TMEM165: variants seen among roughly 807,000 people sequenced by gnomAD.
TMEM165 encodes putative divalent cation/proton antiporter TMEM165.
A neutral mutation model predicts 30.0 loss-of-function variants in TMEM165; 19 were observed. That is an observed-to-expected ratio of 0.63 (90% confidence interval 0.44 to 0.93). The LOEUF (loss-of-function observed/expected upper bound fraction) is 0.93. Ranked by LOEUF, TMEM165 falls within the 40% of genes least tolerant of loss-of-function variation. The pLI is 0.00. For synonymous variants in TMEM165, 168 were observed against 162.9 expected (o/e 1.03, Z -0.24); for missense variants, 340 against 417.0 (o/e 0.82, Z 1.61).
At chr4:55,443,848 G>A (rs542941158) in intron 3 of TMEM165, 1 of 1,613,582 alleles carries the variant, frequency 6.2e-7, no homozygotes, top group South Asian at 1.1e-5. Flanking sequence ...CCAGAAGAAA[G>A]TTGAACGGAA....
intron 4 of TMEM165, chr4:55,423,788 G>A (rs1441699953): frequency 1.3e-5 from 2 of 152,288 alleles, no homozygotes; most frequent in African/African-American, 4.8e-5. Context: ...AGTGTCTGAG[G>A]ACACAGTTTA....
chr4:55,416,568 A>C (rs1237450894), intron 2 of TMEM165, among the ~76,000 whole-genome samples: 1 of 152,224 alleles, frequency 6.6e-6, no homozygotes, highest in Non-Finnish European at 1.5e-5. Flanking sequence ...AAATAGTTAC[A>C]AGGGAGCAGA....
At chr4:55,436,249 G>A (rs369567693) in intron 3 of TMEM165, among the ~76,000 whole-genome samples, 1 of 152,136 alleles carries the variant, frequency 6.6e-6, no homozygotes, top group African/African-American at 2.4e-5. Flanking sequence ...CCTTAGGTCC[G>A]ATAAGCAGCA....
intron 1 of TMEM165, among the ~76,000 whole-genome samples, chr4:55,398,454 G>C (rs1720820192): frequency 6.6e-6 from 1 of 152,204 alleles, no homozygotes; most frequent in East Asian, 1.9e-4. Context: ...CTGGACTTCT[G>C]TGCCTTACTA....
At chr4:55,421,738 C>A (rs1408246173) in intron 4 of TMEM165, among the ~76,000 whole-genome samples, 1 of 152,204 alleles carries the variant, frequency 6.6e-6, no homozygotes, top group Non-Finnish European at 1.5e-5. Flanking sequence ...CGGGCTTTCC[C>A]TTCTCCTTCA....
At chr4:55,433,649 A>G (rs2109610819) in intron 3 of TMEM165, 1 of 152,218 alleles carries the variant, frequency 6.6e-6, no homozygotes, top group South Asian at 2.1e-4. Context: ...CAGTAATAAC[A>G]TTTTTTATAT....
chr4:55,426,632 A>G (rs988421032), downstream of TMEM165, among the ~76,000 whole-genome samples: 2 of 152,212 alleles, frequency 1.3e-5, no homozygotes, highest in South Asian at 2.1e-4. Context: ...AATTCTACAG[A>G]AACATCCATG....
Position 55,396,402 on chromosome 4 carries a change from C to T in TMEM165, c.207+6C>T. ...CCGAGCCGGCCCGGGTCGAGGTGAG[C>T]GGGCCGGGATGGGGCGAGCGAGGCT... On this transcript the variant is annotated splice_donor_region_variant and intron_variant, in intron 1 of 5. Transcript: ENST00000381334. 2 of 1,472,796 alleles carry T rather than the reference C, an allele frequency of 1.4e-6. No homozygotes were observed. The highest frequency in any genetic ancestry group is 1.8e-6 in the Non-Finnish European group (2 of 1,118,074). The allele number at this position is 1,472,796 out of a possible 1,614,324, so 91.2% of individuals were successfully genotyped here.
Position 55,411,731 on chromosome 4 carries a change from T to C in TMEM165, c.325T>C (p.Leu109=). 1 of 1,614,176 alleles carries C rather than the reference T, an allele frequency of 6.2e-7. No homozygotes were observed. Among genetic ancestry groups the C allele is most frequent in the South Asian group, 1.1e-5 (1 of 91,082 alleles). The change falls in exon 2 of 6, where the codon TTG becomes CTG. Residue 109 remains leucine, a synonymous_variant. Coordinates refer to ENST00000381334, the MANE Select transcript of TMEM165 (RefSeq NM_018475.5). ...CATATCAGTTATTATTGTATCTGAA[T>C]TGGGTGATAAGACATTTTTTATAGC... The part of the protein sequence containing the change: ...AAISVIIVSE[L]GDKTFFIAAI...
intron 1 of TMEM165, among the ~76,000 whole-genome samples, chr4:55,403,492 C>CTTTTTTTTTTTTTTTTTT (rs71664292): frequency 1.6e-5 from 2 of 124,506 alleles, no homozygotes; most frequent in Non-Finnish European, 3.2e-5. Context: ...GTGCCTTTTT[C>CTTTTTTTTTTTTTTTTTT]TTTTTCTTTT....
downstream of TMEM165, chr4:55,430,634 G>A (rs1025708977): frequency 5.3e-5 from 8 of 151,990 alleles, no homozygotes; most frequent in Admixed American, 2.6e-4. Flanking sequence ...AATATTACAA[G>A]AGCAATTCAA....
intron 2 of TMEM165, among the ~76,000 whole-genome samples, chr4:55,414,913 C>T (rs557093656): frequency 6.6e-6 from 1 of 152,292 alleles, no homozygotes; most frequent in South Asian, 2.1e-4. Context: ...AATGTCTCAT[C>T]TGGAAGCACA....
intron 3 of TMEM165, chr4:55,435,024 G>A (rs1560408726): frequency 3.8e-6 from 1 of 264,724 alleles, no homozygotes; most frequent in Non-Finnish European, 7.5e-6. Context: ...TGACATGGCA[G>A]TGGTATGTCC....
chr4:55,419,701 A>T (rs1721884780), intron 4 of TMEM165, among the ~76,000 whole-genome samples: 1 of 152,058 alleles, frequency 6.6e-6, no homozygotes. Context: ...CTGTGTTTAT[A>T]TCAGATTCTC....
intron 2 of TMEM165, among the ~76,000 whole-genome samples, chr4:55,413,982 A>T (rs1250651851): frequency 1.3e-5 from 2 of 152,126 alleles, no homozygotes; most frequent in Non-Finnish European, 2.9e-5. Flanking sequence ...TTTTGAAAGG[A>T]CATAGGCTGG....
At chr4:55,408,786 A>G (rs1721373514) in intron 1 of TMEM165, among the ~76,000 whole-genome samples, 1 of 152,168 alleles carries the variant, frequency 6.6e-6, no homozygotes, top group Non-Finnish European at 1.5e-5. Context: ...TTGAGCTTAG[A>G]GCTAAGTGAT....
Position 55,425,224 on chromosome 4 carries a change from G to T in TMEM165, c.899-152G>T, listed in dbSNP as rs185135413. The T allele has an allele frequency of 2.4e-4, 147 of 615,052 alleles. 2 individuals are homozygous for T. The East Asian group carries it at 2.6e-3, about 11-fold the overall frequency. 38.1% of individuals were successfully genotyped at this position (615,052 alleles called of 1,614,324 possible). A position where few individuals can be genotyped will look rare whatever the true frequency, so the allele number is the denominator to read the frequency against. ...CATGTTAAGTATTGTTCCTTGTTAT[G>T]TAAAAGGGGTTGAAGTGATTCTAAT... On this transcript the variant is annotated intron_variant, in intron 5 of 5. Transcript: ENST00000381334.
At chr4:55,428,372 T>C (rs76778996), downstream of TMEM165, 162 of 152,366 alleles carry the variant, frequency 1.1e-3, 1 homozygote, top group East Asian at 0.027. Flanking sequence ...ATCCACATTT[T>C]ATACAATATT....
At chr4:55,400,013 CT>C (rs766230688) in intron 1 of TMEM165, among the ~76,000 whole-genome samples, 162 of 129,710 alleles carry the variant, frequency 1.2e-3, no homozygotes, top group Admixed American at 5.5e-3. Flanking sequence ...TCTTTTCTTC[CT>C]TTTTTTTTTT....
Sources: allele counts gnomAD v4.1 joint callset (sites outside exome capture counted in the v4.1 genomes callset), GRCh38; gene constraint gnomAD v4.1.1; transcripts MANE v1.5; gene names NCBI Gene and HGNC (gene_info 2026-07-23, HGNC 2026-07-21).